CBFA2T2: variants seen among roughly 807,000 people sequenced by gnomAD.
CBFA2T2 encodes the protein protein CBFA2T2.
A neutral mutation model predicts 62.2 loss-of-function variants in CBFA2T2; 11 were observed. That is an observed-to-expected ratio of 0.18 (90% confidence interval 0.11 to 0.29). The LOEUF (loss-of-function observed/expected upper bound fraction) is 0.29, where lower values mean the gene tolerates loss of function less well. Among genes scored for constraint, CBFA2T2 ranks in the 10% least tolerant of loss-of-function variants. The probability of loss-of-function intolerance (pLI) is 1.00; values close to 1 mark genes in which losing one functional copy is unlikely to be tolerated. For missense variants in CBFA2T2, 592 were observed against 774.1 expected (o/e 0.76, Z 2.79); for synonymous variants, 295 against 287.5 (o/e 1.03, Z -0.27).
Position 33,607,243 on chromosome 20 carries a change from G to A in CBFA2T2, c.178+144G>A. The A allele has an allele frequency of 4.6e-6, 3 of 649,418 alleles. No homozygotes were observed. In the South Asian group the frequency reaches 1.7e-4, roughly 38 times the overall value. The allele number at this position is 649,418 out of a possible 1,614,324, so 40.2% of individuals were successfully genotyped here. A position where few individuals can be genotyped will look rare whatever the true frequency, so the allele number is the denominator to read the frequency against. On this transcript the variant is annotated intron_variant, in intron 2 of 10. Transcript: ENST00000342704. ...TAGACACAGATATATATTTCTGGTT[G>A]TTTCTTTTATAAATTACTTTTACCC...
At chr20:33,547,565 C>T (rs571395137) in intron 1 of CBFA2T2, among the ~76,000 whole-genome samples, 2 of 152,074 alleles carry the variant, frequency 1.3e-5, no homozygotes, top group South Asian at 4.2e-4. Flanking sequence ...ACCTGTAGTC[C>T]TGCTACTCAG....
chr20:33,642,450 T>A (rs2016893492), intron 10 of CBFA2T2, among the ~76,000 whole-genome samples: 3 of 151,482 alleles, frequency 2.0e-5, no homozygotes, highest in Admixed American at 6.6e-5. Context: ...AAAAAAAAAA[T>A]TTAAAAATTA....
chr20:33,575,980 G>A (rs544494475), intron 1 of CBFA2T2, among the ~76,000 whole-genome samples: 1 of 151,794 alleles, frequency 6.6e-6, no homozygotes, highest in South Asian at 2.1e-4. Flanking sequence ...GTAGAGACGG[G>A]GTTTCACCAT....
intron 1 of CBFA2T2, among the ~76,000 whole-genome samples, chr20:33,568,914 A>G (rs190837219): frequency 1.3e-5 from 2 of 152,306 alleles, no homozygotes; most frequent in Non-Finnish European, 2.9e-5. Flanking sequence ...ACTGTGATGA[A>G]CATTTTACAA....
intron 1 of CBFA2T2, among the ~76,000 whole-genome samples, chr20:33,553,661 A>G (rs1479383545): frequency 6.6e-6 from 1 of 152,240 alleles, no homozygotes; most frequent in Admixed American, 6.5e-5. Context: ...AGGAATGGGC[A>G]TGGTCCTTTT....
intron 1 of CBFA2T2, among the ~76,000 whole-genome samples, chr20:33,581,296 A>G (rs367918840): frequency 6.6e-6 from 1 of 151,904 alleles, no homozygotes; most frequent in East Asian, 1.9e-4. Flanking sequence ...TGATCTTGTG[A>G]TCCACCTGCC....
chr20:33,559,248 G>C (rs1238759611), intron 1 of CBFA2T2, among the ~76,000 whole-genome samples: 1 of 144,808 alleles, frequency 6.9e-6, no homozygotes, highest in Non-Finnish European at 1.5e-5. Flanking sequence ...GGCAATCTTG[G>C]CTCCAACCTC....
chr20:33,514,402 AC>A (rs2011565670), intron 1 of CBFA2T2, among the ~76,000 whole-genome samples: 1 of 151,184 alleles, frequency 6.6e-6, no homozygotes, highest in Non-Finnish European at 1.5e-5. Context: ...TTTAGTAGAG[AC>A]GGGGTTTCAC....
chr20:33,539,057 A>G (rs2146876517), intron 1 of CBFA2T2, among the ~76,000 whole-genome samples: 1 of 152,292 alleles, frequency 6.6e-6, no homozygotes, highest in South Asian at 2.1e-4. Context: ...ATTGCAACTT[A>G]TTCTAGCCTA....
At chr20:33,567,605 G>A (rs371148688) in intron 1 of CBFA2T2, among the ~76,000 whole-genome samples, 2 of 149,174 alleles carry the variant, frequency 1.3e-5, no homozygotes, top group Admixed American at 6.7e-5. Flanking sequence ...AATTTGAGAC[G>A]GAGCTTCACT....
chr20:33,510,042 T>G (rs2011479869), intron 1 of CBFA2T2, among the ~76,000 whole-genome samples: 1 of 151,946 alleles, frequency 6.6e-6, no homozygotes, highest in Non-Finnish European at 1.5e-5. Context: ...CATTGTTCAA[T>G]TCCCACCTGT....
At chr20:33,574,455 G>A (rs1156857663) in intron 1 of CBFA2T2, among the ~76,000 whole-genome samples, 1 of 152,064 alleles carries the variant, frequency 6.6e-6, no homozygotes, top group East Asian at 1.9e-4. Flanking sequence ...GAGAAACCCC[G>A]TCTCTACTAA....
At chr20:33,637,558 C>T (rs751283214) in intron 9 of CBFA2T2, among the ~76,000 whole-genome samples, 60 of 152,150 alleles carry the variant, frequency 3.9e-4, no homozygotes, top group Non-Finnish European at 7.9e-4. Context: ...TTTAACCGTC[C>T]GTTATTGACA....
intron 1 of CBFA2T2, among the ~76,000 whole-genome samples, chr20:33,547,785 G>C (rs1004946561): frequency 6.6e-6 from 1 of 151,152 alleles, no homozygotes; most frequent in African/African-American, 2.4e-5. Flanking sequence ...ATAAAAATCT[G>C]TATAGGCACT....
chr20:33,557,160 G>A (rs2012924310), intron 1 of CBFA2T2, among the ~76,000 whole-genome samples: 1 of 151,706 alleles, frequency 6.6e-6, no homozygotes, highest in African/African-American at 2.4e-5. Flanking sequence ...GATTACAGGT[G>A]CCTACCACCA....
chr20:33,635,917 C>T (rs1030538082), intron 8 of CBFA2T2, among the ~76,000 whole-genome samples: 2 of 151,922 alleles, frequency 1.3e-5, no homozygotes, highest in Middle Eastern at 3.4e-3. Flanking sequence ...GCTGCCTTTC[C>T]TCCCCCTACA....
At chr20:33,527,789 C>G (rs899595848) in intron 1 of CBFA2T2, among the ~76,000 whole-genome samples, 8 of 152,026 alleles carry the variant, frequency 5.3e-5, no homozygotes, top group African/African-American at 1.9e-4. Flanking sequence ...GGTGATCTGC[C>G]TGTCTTGGCC....
chr20:33,583,661 A>T (rs1179122192), intron 1 of CBFA2T2, among the ~76,000 whole-genome samples: 1 of 152,312 alleles, frequency 6.6e-6, no homozygotes, highest in Admixed American at 6.5e-5. Flanking sequence ...TTGGATTTAG[A>T]TGGTGACCCA....
chr20:33,609,596 A>G (rs2015455080), intron 2 of CBFA2T2, among the ~76,000 whole-genome samples: 1 of 152,214 alleles, frequency 6.6e-6, no homozygotes, highest in Admixed American at 6.5e-5. Flanking sequence ...CAACAGCAGT[A>G]TGTGTCAAAG....
Sources: allele counts gnomAD v4.1 joint callset (sites outside exome capture counted in the v4.1 genomes callset), GRCh38; gene constraint gnomAD v4.1.1; transcripts MANE v1.5; gene names NCBI Gene and HGNC (gene_info 2026-07-23, HGNC 2026-07-21).